Variants in SOS1 observed in about 807,000 individuals in gnomAD.
SOS1 encodes the protein son of sevenless homolog 1.
In SOS1, 25 loss-of-function variants were observed where a neutral mutation model predicts 157.6. The observed-to-expected ratio is 0.16, with a 90% confidence interval of 0.12 to 0.22. SOS1 has a LOEUF of 0.22. Among genes scored for constraint, SOS1 ranks in the 10% least tolerant of loss-of-function variants. The pLI is 1.00. For synonymous variants in SOS1, 528 were observed against 534.0 expected, an observed-to-expected ratio of 0.99 and a Z score of 0.16; for missense variants, 1,237 against 1,599.1, an observed-to-expected ratio of 0.77 and a Z score of 3.86.
intron 1 of SOS1, among the ~76,000 whole-genome samples, chr2:39,072,283 A>C (rs965438585): frequency 1.3e-5 from 2 of 152,122 alleles, no homozygotes; most frequent in Non-Finnish European, 2.9e-5. Context: ...ATGTACTTAT[A>C]ATTTTCTCCT....
chr2:39,023,161 T>G lies in SOS1; in HGVS notation c.1267A>C (p.Asn423His). 6.2e-7 allele frequency: 1 copy of G among 1,613,402 alleles called. No individual in the cohort carries two copies. The highest frequency in any genetic ancestry group is 2.2e-5 in the East Asian group (1 of 44,868). ...CCATCAATATTCTTCTGAATCTCGT[T>G]CATCTTCTTGATTGCTAGTTGTTTC... ...KGKQLAIKKM[N>H]EIQKNIDGWE... The change falls in exon 10 of 23, where the codon AAC becomes CAC. Residue 423 changes from asparagine (N) to histidine (H), a missense_variant. Asn to His is a moderately conservative substitution (Grantham distance 68, BLOSUM62 1). Transcript: ENST00000402219.
chr2:38,997,436 T>C lies in SOS1; in HGVS notation c.2792-11A>G, dbSNP rs1274635447. On this transcript the variant is annotated splice_polypyrimidine_tract_variant and intron_variant, in intron 17 of 22. Coordinates refer to ENST00000402219, the MANE Select transcript of SOS1 (RefSeq NM_005633.4). ...TAGTGAGATAAATTCCTAGAAGATA[T>C]AATGGAATGATTTCAAGGATAAAGA... The C allele has an allele frequency of 3.2e-6, 5 of 1,580,508 alleles. No individual in the cohort carries two copies. Among genetic ancestry groups the C allele is most frequent in the East Asian group, 2.2e-5 (1 of 44,504 alleles).
Position 39,014,834 on chromosome 2 carries a change from A to G in SOS1, c.1871T>C (p.Val624Ala). Residue 624 changes from valine (V) to alanine (A), a missense_variant, in exon 11 of 23, where the codon GTT becomes GCT. By Grantham distance (64) the Val-to-Ala change is moderately conservative (BLOSUM62 0). Transcript: ENST00000402219. ...TCTGTATGTTGTAAGAAATGTCCGAACAAAATTGGGATCTAAGAAGAAAAA... is the reference window on the plus strand; with the variant it reads ...TCTGTATGTTGTAAGAAATGTCCGAGCAAAATTGGGATCTAAGAAGAAAAA... Reference protein sequence around the residue: ...TYHMYADPNFVRTFLTTYRSF... With the variant: ...TYHMYADPNFARTFLTTYRSF... The G allele has an allele frequency of 6.3e-7, 1 of 1,590,624 alleles. No individual in the cohort carries two copies. The highest frequency in any genetic ancestry group is 8.6e-7 in the Non-Finnish European group (1 of 1,159,160).
chr2:39,038,078 T>C (rs1024909999), intron 6 of SOS1, among the ~76,000 whole-genome samples: 6 of 152,216 alleles, frequency 3.9e-5, no homozygotes, highest in Admixed American at 2.6e-4. Flanking sequence ...CAAGTTTTAT[T>C]ATTTCACAAA....
chr2:39,101,559 T>G (rs962017145), intron 1 of SOS1, among the ~76,000 whole-genome samples: 1 of 152,330 alleles, frequency 6.6e-6, no homozygotes, highest in East Asian at 1.9e-4. Flanking sequence ...TTATATTTAT[T>G]TAGAAACTAT....
At chr2:39,051,650 T>A (rs573688791) in intron 5 of SOS1, among the ~76,000 whole-genome samples, 95 of 152,256 alleles carry the variant, frequency 6.2e-4, no homozygotes, top group Non-Finnish European at 1.2e-3. Flanking sequence ...TTAAAAATAA[T>A]AAACCCATTA....
chr2:39,102,530 CAAAAAAAAAAAAAA>C lies in SOS1; in HGVS notation c.87+17792_87+17805del, dbSNP rs70954782. On this transcript the variant is annotated intron_variant, in intron 1 of 22. Transcript: ENST00000402219. ...TGGGCAACAGAGCAAGACTCCATCT[CAAAAAAAAAAAAAA>C]AAAAAAAAAAAGAAGAATTCCGCTT... 1.2e-4 allele frequency among the ~76,000 whole-genome samples: 6 copies of C among 50,604 alleles called. No individual in the cohort carries two copies. The South Asian group carries it at 6.6e-3, about 55-fold the overall frequency. 33.2% of individuals were successfully genotyped at this position (50,604 alleles called of 152,430 possible).
At chr2:39,121,341 A>G (rs1247651216), upstream of SOS1, among the ~76,000 whole-genome samples, 2 of 152,050 alleles carry the variant, frequency 1.3e-5, no homozygotes, top group African/African-American at 4.8e-5. Flanking sequence ...TTCGTTTCGG[A>G]AAGGGGTGTG....
At chr2:39,110,057 T>TGC (rs1346622291) in intron 1 of SOS1, among the ~76,000 whole-genome samples, 1 of 150,972 alleles carries the variant, frequency 6.6e-6, no homozygotes, top group Non-Finnish European at 1.5e-5. Context: ...TGTGTGTGTG[T>TGC]GTGTGTGTGT....
chr2:39,030,434 G>GTA (rs1212444982), intron 8 of SOS1, among the ~76,000 whole-genome samples: 2 of 151,990 alleles, frequency 1.3e-5, no homozygotes, highest in African/African-American at 2.4e-5. Context: ...GTTGGGCATG[G>GTA]TAGTGCATGC....
chr2:39,038,731 T>TAAAAAAAAAAAAAAAAAAAAAAAA (rs1670444417), intron 6 of SOS1, among the ~76,000 whole-genome samples: 1 of 1,622 alleles, frequency 6.2e-4, no homozygotes, highest in Non-Finnish European at 1.7e-3. Context: ...AGACTCCGTC[T>TAAAAAAAAAAAAAAAAAAAAAAAA]CAAAAAAAAA....
intron 1 of SOS1, among the ~76,000 whole-genome samples, chr2:39,095,765 T>G (rs1019971837): frequency 5.9e-5 from 9 of 152,216 alleles, no homozygotes; most frequent in African/African-American, 1.9e-4. Context: ...GAGGAATCAT[T>G]AGAGTTTTAA....
chr2:39,027,378 CA>C (rs889043537), intron 8 of SOS1, among the ~76,000 whole-genome samples: 33 of 152,172 alleles, frequency 2.2e-4, no homozygotes, highest in African/African-American at 7.7e-4. Context: ...AAGTACATTT[CA>C]AACCCATAAA....
intron 20 of SOS1, among the ~76,000 whole-genome samples, chr2:38,991,850 A>G (rs1244366979): frequency 6.6e-6 from 1 of 152,196 alleles, no homozygotes; most frequent in African/African-American, 2.4e-5. Flanking sequence ...TTAGCAAGGA[A>G]TAAGATATGC....
At chr2:39,059,636 ACAT>A (rs1468367365) in intron 2 of SOS1, among the ~76,000 whole-genome samples, 2 of 152,214 alleles carry the variant, frequency 1.3e-5, no homozygotes, top group African/African-American at 2.4e-5. Flanking sequence ...ATGAAATTAA[ACAT>A]CATCATAATT....
intron 15 of SOS1, among the ~76,000 whole-genome samples, chr2:39,007,839 A>ACG (rs1328766568): frequency 2.0e-5 from 3 of 152,188 alleles, no homozygotes; most frequent in African/African-American, 7.2e-5. Flanking sequence ...ACACATGCAC[A>ACG]CGCACACACA....
chr2:39,028,950 C>T (rs1206834327), intron 8 of SOS1, among the ~76,000 whole-genome samples: 1 of 152,198 alleles, frequency 6.6e-6, no homozygotes, highest in African/African-American at 2.4e-5. Flanking sequence ...ACTTGATTTA[C>T]TAGCCCTCTT....
chr2:38,998,242 T>C (rs1378750071), intron 17 of SOS1, among the ~76,000 whole-genome samples: 1 of 151,776 alleles, frequency 6.6e-6, no homozygotes, highest in African/African-American at 2.4e-5. Context: ...TATTTTTTTT[T>C]TTATATTTTA....
Position 38,983,640 on chromosome 2 carries a change from G to C in SOS1, c.*2184C>G, listed in dbSNP as rs1668465109. 1 of 152,152 alleles carries C rather than the reference G, an allele frequency of 6.6e-6. No individual in the cohort carries two copies. Among genetic ancestry groups the C allele is most frequent in the African/African-American group, 2.4e-5 (1 of 41,444 alleles). 9.4% of individuals were successfully genotyped at this position (152,152 alleles called of 1,614,324 possible). A position where few individuals can be genotyped will look rare whatever the true frequency, so the allele number is the denominator to read the frequency against. ...AGGGGGTCCAATGTGACTTTTACCA[G>C]GTTCTCATTTGGAATGTGCCTGGGG... On this transcript the variant is annotated 3_prime_UTR_variant, in exon 23 of 23. Transcript: ENST00000402219.
Sources: gnomAD v4.1 joint callset for allele counts (sites outside exome capture counted in the v4.1 genomes callset) on GRCh38, gnomAD v4.1.1 for gene constraint, MANE v1.5 for transcripts, NCBI Gene and HGNC (gene_info 2026-07-23, HGNC 2026-07-21) for gene names.